The following PITPNC1 variants were observed in gnomAD, a reference collection of about 807,000 sequenced individuals.
The protein encoded by PITPNC1 is phosphatidylinositol transfer protein cytoplasmic 1, also known as cytoplasmic phosphatidylinositol transfer protein 1.
PITPNC1 carries 18 observed loss-of-function variants against 44.7 expected under a neutral mutation model. The ratio of observed to expected loss-of-function variants is 0.40; its 90% confidence interval spans 0.28 to 0.60. The LOEUF is 0.60. PITPNC1 is among the 20% of genes least tolerant of loss of function. PITPNC1 has a pLI of 0.39. For synonymous variants in PITPNC1, 141 were observed against 149.6 expected, an observed-to-expected ratio of 0.94 and a Z score of 0.42; for missense variants, 290 against 418.4, an observed-to-expected ratio of 0.69 and a Z score of 2.68.
At chr17:67,636,942 T>C (rs1339484003) in intron 6 of PITPNC1, among the ~76,000 whole-genome samples, 2 of 152,164 alleles carry the variant, frequency 1.3e-5, no homozygotes, top group African/African-American at 4.8e-5. Context: ...CTGGCCCTCC[T>C]TTAGAGTTCA....
At chr17:67,647,917 G>T (rs970508970) in intron 6 of PITPNC1, among the ~76,000 whole-genome samples, 1 of 152,126 alleles carries the variant, frequency 6.6e-6, no homozygotes, top group African/African-American at 2.4e-5. Context: ...AACAGTGAAG[G>T]GAGAAACAGC....
intron 1 of PITPNC1, among the ~76,000 whole-genome samples, chr17:67,410,550 A>C (rs1255929374): frequency 2.0e-5 from 3 of 151,676 alleles, no homozygotes; most frequent in Non-Finnish European, 4.4e-5. Context: ...TGCCCAGCTA[A>C]TTTTTTTGAT....
At chr17:67,641,897 A>G (rs1230162463) in intron 6 of PITPNC1, among the ~76,000 whole-genome samples, 1 of 152,014 alleles carries the variant, frequency 6.6e-6, no homozygotes, top group Non-Finnish European at 1.5e-5. Flanking sequence ...CATTCTTATT[A>G]TGGTACTGCA....
intron 1 of PITPNC1, among the ~76,000 whole-genome samples, chr17:67,432,736 G>C (rs866857409): frequency 6.6e-6 from 1 of 152,142 alleles, no homozygotes; most frequent in Non-Finnish European, 1.5e-5. Context: ...AGAACAAAAT[G>C]ACTTTCCCTG....
At chr17:67,467,034 G>T (rs1445907043) in intron 1 of PITPNC1, among the ~76,000 whole-genome samples, 4 of 151,424 alleles carry the variant, frequency 2.6e-5, no homozygotes, top group African/African-American at 9.7e-5. Flanking sequence ...AGCTGAAAAG[G>T]GACCTGAGCC....
chr17:67,388,658 C>T (rs1003204533), intron 1 of PITPNC1, among the ~76,000 whole-genome samples: 6 of 150,310 alleles, frequency 4.0e-5, no homozygotes, highest in African/African-American at 1.5e-4. Context: ...CTTGCTCTGT[C>T]ACCCAGGCTG....
At chr17:67,558,708 G>A (rs1011768714) in intron 4 of PITPNC1, among the ~76,000 whole-genome samples, 1 of 152,154 alleles carries the variant, frequency 6.6e-6, no homozygotes, top group African/African-American at 2.4e-5. Flanking sequence ...GAAATGGGAT[G>A]CACCTTTGTG....
intron 1 of PITPNC1, among the ~76,000 whole-genome samples, chr17:67,465,671 C>T (rs1598702938): frequency 6.6e-6 from 1 of 152,146 alleles, no homozygotes. Flanking sequence ...AGGCTCCTCT[C>T]TGATGTTCGG....
At chr17:67,581,317 G>A (rs547416664) in intron 5 of PITPNC1, among the ~76,000 whole-genome samples, 7 of 152,244 alleles carry the variant, frequency 4.6e-5, no homozygotes, top group Non-Finnish European at 1.0e-4. Context: ...TGGGCTGCAA[G>A]AGAAGCACCT....
At chr17:67,583,668 T>C (rs1335555915) in intron 5 of PITPNC1, among the ~76,000 whole-genome samples, 1 of 150,814 alleles carries the variant, frequency 6.6e-6, no homozygotes. Flanking sequence ...CTGATTTCAT[T>C]GGTCTGAGGT....
At chr17:67,382,615 G>GT (rs1224465754) in intron 1 of PITPNC1, among the ~76,000 whole-genome samples, 1 of 151,864 alleles carries the variant, frequency 6.6e-6, no homozygotes, top group Non-Finnish European at 1.5e-5. Flanking sequence ...AGATTCTAGA[G>GT]TTTTTGTTTG....
intron 8 of PITPNC1, among the ~76,000 whole-genome samples, chr17:67,691,112 A>G (rs572410034): frequency 2.6e-5 from 4 of 151,940 alleles, no homozygotes; most frequent in African/African-American, 9.7e-5. Flanking sequence ...CAAATAAATA[A>G]ATAAATAAAT....
chr17:67,409,604 T>C (rs947870111), intron 1 of PITPNC1, among the ~76,000 whole-genome samples: 1 of 151,932 alleles, frequency 6.6e-6, no homozygotes, highest in Non-Finnish European at 1.5e-5. Flanking sequence ...AGTGGCGTGA[T>C]CCCAACTCAC....
At chr17:67,627,063 A>C (rs2041905128) in intron 5 of PITPNC1, among the ~76,000 whole-genome samples, 1 of 150,094 alleles carries the variant, frequency 6.7e-6, no homozygotes, top group Non-Finnish European at 1.5e-5. Flanking sequence ...CACCCTGGCC[A>C]ATATGGTGGT....
At chr17:67,567,710 C>T (rs988945776) in intron 4 of PITPNC1, among the ~76,000 whole-genome samples, 1 of 152,036 alleles carries the variant, frequency 6.6e-6, no homozygotes, top group African/African-American at 2.4e-5. Flanking sequence ...CGCAGTGGCT[C>T]ACACCTGTAA....
intron 1 of PITPNC1, among the ~76,000 whole-genome samples, chr17:67,513,256 CG>C (rs2040211116): frequency 1.3e-5 from 2 of 151,510 alleles, no homozygotes; most frequent in South Asian, 4.2e-4. Flanking sequence ...CCCAGCTACT[CG>C]GGAGGCTAAG....
At chr17:67,573,466 A>G (rs1464121717) in intron 4 of PITPNC1, among the ~76,000 whole-genome samples, 1 of 151,936 alleles carries the variant, frequency 6.6e-6, no homozygotes, top group Non-Finnish European at 1.5e-5. Context: ...TCCAGGGTGC[A>G]AATGGAAGAG....
At chr17:67,553,075 G>A (rs538942210) in intron 3 of PITPNC1, 2 of 152,198 alleles carry the variant, frequency 1.3e-5, no homozygotes, top group Non-Finnish European at 2.9e-5. Flanking sequence ...AAATATTTAA[G>A]GTCAGTCTCC....
intron 6 of PITPNC1, 104 bp from the exon 7 acceptor site, chr17:67,669,404 C>G: frequency 1.2e-6 from 1 of 859,988 alleles, no homozygotes; most frequent in Non-Finnish European, 1.7e-6. Flanking sequence ...GCGTGAGCCA[C>G]CACACCCAGC....
Sources: allele counts gnomAD v4.1 joint callset (sites outside exome capture counted in the v4.1 genomes callset), GRCh38; gene constraint gnomAD v4.1.1; transcripts MANE v1.5; gene names NCBI Gene and HGNC (gene_info 2026-07-23, HGNC 2026-07-21).